Variants in KCNH8 observed in about 807,000 individuals in gnomAD.
KCNH8 encodes the protein potassium voltage-gated channel subfamily H member 8.
In KCNH8, 70 loss-of-function variants were observed where a neutral mutation model predicts 103.6. The observed-to-expected ratio is 0.68, with a 90% confidence interval of 0.56 to 0.82. The LOEUF is 0.82. KCNH8 is among the 40% of genes least tolerant of loss of function. The pLI is 0.00. For missense variants in KCNH8, 1,217 were observed against 1,329.9 expected (o/e 0.92, Z 1.32); for synonymous variants, 498 against 489.4 (o/e 1.02, Z -0.23).
intron 7 of KCNH8, among the ~76,000 whole-genome samples, chr3:19,397,501 A>G (rs1449781397): frequency 6.6e-6 from 1 of 150,862 alleles, no homozygotes; most frequent in African/African-American, 2.4e-5. Context: ...ATCTATATAT[A>G]CACACACACA....
At chr3:19,170,804 A>ATTTTTTT (rs1375715096) in intron 1 of KCNH8, among the ~76,000 whole-genome samples, 1 of 103,364 alleles carries the variant, frequency 9.7e-6, no homozygotes, top group African/African-American at 5.0e-5. Context: ...ATATATATAT[A>ATTTTTTT]TATATATTTT....
intron 3 of KCNH8, among the ~76,000 whole-genome samples, chr3:19,318,662 T>TGTACACAC (rs1491117852): frequency 7.6e-4 from 109 of 142,550 alleles, no homozygotes; most frequent in African/African-American, 2.7e-3. Flanking sequence ...TGTGTGTGTG[T>TGTACACAC]ACACACACAC....
chr3:19,273,186 A>G (rs60844978), intron 2 of KCNH8, among the ~76,000 whole-genome samples: 8,330 of 152,252 alleles, frequency 0.055, 756 homozygotes, highest in African/African-American at 0.19. Context: ...GATTCCTCCA[A>G]CTAAAGCCTT....
At chr3:19,300,894 C>G (rs1010010403) in intron 3 of KCNH8, among the ~76,000 whole-genome samples, 1 of 151,282 alleles carries the variant, frequency 6.6e-6, no homozygotes, top group African/African-American at 2.4e-5. Flanking sequence ...TACCTTTTGC[C>G]TAAATCTTTT....
chr3:19,435,490 A>G (rs74791998), intron 7 of KCNH8, among the ~76,000 whole-genome samples: 1,645 of 152,322 alleles, frequency 0.011, 29 homozygotes, highest in African/African-American at 0.036. Context: ...CACAGGTAGC[A>G]CTTAATAAAA....
chr3:19,497,051 A>T (rs1425344333), intron 11 of KCNH8, among the ~76,000 whole-genome samples: 1 of 152,108 alleles, frequency 6.6e-6, no homozygotes, highest in Non-Finnish European at 1.5e-5. Context: ...AGGTGTTTGT[A>T]GTAGTCTCTG....
At chr3:19,472,959 G>A (rs1467563829) in intron 11 of KCNH8, among the ~76,000 whole-genome samples, 1 of 152,108 alleles carries the variant, frequency 6.6e-6, no homozygotes, top group African/African-American at 2.4e-5. Flanking sequence ...TTATGAGCAA[G>A]GTAATTTGTT....
chr3:19,235,412 A>G (rs1176869320), intron 1 of KCNH8, among the ~76,000 whole-genome samples: 1 of 152,238 alleles, frequency 6.6e-6, no homozygotes, highest in Non-Finnish European at 1.5e-5. Context: ...GCACTCCAGA[A>G]TTATGTGTGC....
chr3:19,358,864 C>T (rs1239761433), intron 5 of KCNH8, among the ~76,000 whole-genome samples: 2 of 148,996 alleles, frequency 1.3e-5, no homozygotes, highest in Non-Finnish European at 3.0e-5. Flanking sequence ...AGGAACTGTG[C>T]AAAAATAAAA....
chr3:19,339,728 A>C (rs1223229769), intron 3 of KCNH8, among the ~76,000 whole-genome samples: 2 of 152,098 alleles, frequency 1.3e-5, no homozygotes, highest in Non-Finnish European at 2.9e-5. Flanking sequence ...TTTAAAAGTA[A>C]CATTCAGTTA....
intron 3 of KCNH8, among the ~76,000 whole-genome samples, chr3:19,322,060 C>T (rs1040680269): frequency 6.6e-6 from 1 of 151,988 alleles, no homozygotes; most frequent in Non-Finnish European, 1.5e-5. Flanking sequence ...CACCCCTTTA[C>T]CCTAAGTTTA....
At chr3:19,244,079 G>T (rs949808031) in intron 1 of KCNH8, among the ~76,000 whole-genome samples, 4 of 152,192 alleles carry the variant, frequency 2.6e-5, no homozygotes, top group African/African-American at 7.2e-5. Flanking sequence ...TTTTTAAAAG[G>T]TATAAAATTA....
At chr3:19,449,496 TCA>T (rs2067412214) in intron 8 of KCNH8, among the ~76,000 whole-genome samples, 2 of 151,928 alleles carry the variant, frequency 1.3e-5, no homozygotes, top group Admixed American at 6.6e-5. Context: ...CAAGAAATCC[TCA>T]GTTACATTTT....
At chr3:19,287,371 C>T (rs1331793743) in intron 3 of KCNH8, among the ~76,000 whole-genome samples, 3 of 152,092 alleles carry the variant, frequency 2.0e-5, no homozygotes, top group African/African-American at 7.2e-5. Flanking sequence ...AGGATTGCTG[C>T]TAAAAGCAGT....
At chr3:19,504,382 T>C (rs1411710459) in intron 11 of KCNH8, among the ~76,000 whole-genome samples, 2 of 152,088 alleles carry the variant, frequency 1.3e-5, no homozygotes, top group South Asian at 2.1e-4. Flanking sequence ...CAAAAGACAC[T>C]ATCAACAAAC....
intron 1 of KCNH8, among the ~76,000 whole-genome samples, chr3:19,201,146 C>T (rs958896962): frequency 4.0e-5 from 5 of 124,266 alleles, no homozygotes; most frequent in East Asian, 2.8e-4. Flanking sequence ...GCATGAGAAT[C>T]GTTTGAACCT....
chr3:19,308,650 G>T (rs193233338), intron 3 of KCNH8, among the ~76,000 whole-genome samples: 541 of 51,366 alleles, frequency 0.011, 2 homozygotes, highest in Middle Eastern at 0.043. Context: ...GAATGTTGGG[G>T]TCTCTCTCTC....
intron 6 of KCNH8, among the ~76,000 whole-genome samples, chr3:19,394,800 C>T (rs766158365): frequency 6.6e-6 from 1 of 151,736 alleles, no homozygotes; most frequent in Non-Finnish European, 1.5e-5. Context: ...TAATGTGTTT[C>T]AGTTGTGTAT....
intron 11 of KCNH8, among the ~76,000 whole-genome samples, chr3:19,470,311 C>T (rs190350631): frequency 7.0e-4 from 107 of 152,284 alleles, no homozygotes; most frequent in Non-Finnish European, 1.1e-3. Flanking sequence ...GGAACTCTTA[C>T]AGTCAGGCTC....
Sources: gnomAD v4.1 joint callset for allele counts (sites outside exome capture counted in the v4.1 genomes callset) on GRCh38, gnomAD v4.1.1 for gene constraint, MANE v1.5 for transcripts, NCBI Gene and HGNC (gene_info 2026-07-23, HGNC 2026-07-21) for gene names.